Variants in RBBP6 observed in about 807,000 individuals in gnomAD.
RBBP6 encodes E3 ubiquitin-protein ligase RBBP6.
Under a neutral mutation model 167.7 loss-of-function variants are expected in RBBP6, and 25 were observed. The ratio of observed to expected loss-of-function variants is 0.15; its 90% CI spans 0.11 to 0.21. The LOEUF is 0.21. Ranked by LOEUF, RBBP6 falls within the 10% of genes least tolerant of loss-of-function variation. RBBP6 has a pLI of 1.00. For synonymous variants in RBBP6, 789 were observed against 735.8 expected (o/e 1.07, Z -1.17); for missense variants, 1,868 against 2,134.2 (o/e 0.88, Z 2.46).
intron 3 of RBBP6, chr16:24,549,259 G>T: frequency 7.9e-7 from 1 of 1,260,096 alleles, no homozygotes; most frequent in Non-Finnish European, 1.0e-6. Context: ...GTTAATGTAT[G>T]ATCCTTTTTA....
chr16:24,547,497 CTG>C (rs1179370994), intron 2 of RBBP6, among the ~76,000 whole-genome samples: 3 of 152,148 alleles, frequency 2.0e-5, no homozygotes, highest in African/African-American at 7.2e-5. Context: ...GAGTCTCACT[CTG>C]TTGCCCAGCC....
At chr16:24,558,832 T>G (rs1308089203) in intron 7 of RBBP6, among the ~76,000 whole-genome samples, 1 of 152,364 alleles carries the variant, frequency 6.6e-6, no homozygotes, top group South Asian at 2.1e-4. Flanking sequence ...TTTTGATCAT[T>G]TAAGTCACTA....
At chr16:24,544,074 C>G (rs926571730) in intron 1 of RBBP6, among the ~76,000 whole-genome samples, 6 of 152,150 alleles carry the variant, frequency 3.9e-5, no homozygotes, top group Admixed American at 6.5e-5. Context: ...GTTAGAACAT[C>G]TGTTTTGAAG....
chr16:24,555,624 C>G lies in RBBP6; in HGVS notation c.358C>G (p.Leu120Val). Reference sequence around the variant, plus strand: ...ATTACCTGTTAAACAGACTGCCAATCTGGCTGAAGCCAATGCTTCTGAAGA... The same window carrying G: ...ATTACCTGTTAAACAGACTGCCAATGTGGCTGAAGCCAATGCTTCTGAAGA... ...SLAQLTKTANLAEANASEEDK... is the reference protein window; with the variant it reads ...SLAQLTKTANVAEANASEEDK... Residue 120 changes from leucine to valine, a missense_variant, in exon 5 of 18, where the codon CTG (leucine) becomes GTG (valine). Leu to Val is a conservative substitution (Grantham distance 32). This residue lies in a region of RBBP6 where 184 missense variants were observed against 327.7 expected (regional missense o/e 0.56). Transcript: ENST00000319715. 6.2e-7 allele frequency: 1 copy of G among 1,609,358 alleles called. No individual in the cohort carries two copies. The highest frequency in any genetic ancestry group is 8.5e-7 in the Non-Finnish European group (1 of 1,178,822).
At position 24,544,878 on chromosome 16, in the gene RBBP6, CTCTT is replaced by C. The variant is rs374374577; in HGVS notation, c.167-1280_167-1277del. On this transcript the variant is annotated intron_variant, in intron 1 of 17. Transcript: ENST00000319715. Reference sequence around the variant, plus strand: ...CCCAGGGATTCCTCTGGCCTGATTCCTCTTTCTTCTTCATTTCCTTCATCTCCCC... The same window carrying C: ...CCCAGGGATTCCTCTGGCCTGATTCCTCTTCTTCATTTCCTTCATCTCCCC... Among the ~76,000 whole-genome samples the C allele has an allele frequency of 3.8e-4, 58 of 152,232 alleles. No homozygotes were observed. In the East Asian group the frequency reaches 0.01, roughly 27 times the overall value.
chr16:24,571,153 C>T lies in RBBP6; in HGVS notation c.4087C>T (p.Pro1363Ser), dbSNP rs759612010. The change falls in exon 18 of 18, where the codon CCT (proline) becomes TCT (serine). Residue 1363 changes from proline to serine, a missense_variant. Transcript: ENST00000319715. The part of the protein sequence containing the change: ...STKPSNIVKY[P>S]EKESEPSEKI... ...AAAGCCATCAAATATAGTCAAGTAT[C>T]CTGAGAAAGAAAGTGAGCCATCCGA... 4 of 1,613,612 alleles carry T rather than the reference C, an allele frequency of 2.5e-6. No individual in the cohort carries two copies. The South Asian group carries it at 4.4e-5, about 18-fold the overall frequency.
At chr16:24,550,778 G>C (rs929579831) in intron 3 of RBBP6, among the ~76,000 whole-genome samples, 13 of 150,290 alleles carry the variant, frequency 8.6e-5, no homozygotes, top group Non-Finnish European at 1.6e-4. Flanking sequence ...TAATTTTTAG[G>C]TAGAATTATC....
chr16:24,549,994 G>GT (rs1269856380), intron 3 of RBBP6, among the ~76,000 whole-genome samples: 3 of 151,932 alleles, frequency 2.0e-5, no homozygotes, highest in Non-Finnish European at 4.4e-5. Context: ...TGAAGCATCT[G>GT]TTTCATAACA....
intron 13 of RBBP6, among the ~76,000 whole-genome samples, chr16:24,564,511 A>G (rs538119364): frequency 4.6e-5 from 7 of 152,228 alleles, no homozygotes; most frequent in African/African-American, 1.4e-4. Flanking sequence ...TATAACAATA[A>G]GTTCACAGAG....
intron 8 of RBBP6, among the ~76,000 whole-genome samples, chr16:24,560,980 A>G (rs953008184): frequency 1.1e-4 from 17 of 152,148 alleles, no homozygotes; most frequent in African/African-American, 3.9e-4. Context: ...GTTTCAGATT[A>G]TATCTTAGAT....
chr16:24,567,986 A>T lies in RBBP6; in HGVS notation c.2054+93A>T. The T allele has an allele frequency of 8.5e-6, 9 of 1,053,342 alleles. 1 individual carries two copies. In the South Asian group the frequency reaches 1.1e-4, roughly 13 times the overall value. 65.2% of individuals were successfully genotyped at this position (1,053,342 alleles called of 1,614,324 possible). A position where few individuals can be genotyped will look rare whatever the true frequency, so the allele number is the denominator to read the frequency against. On this transcript the variant is annotated intron_variant, in intron 16 of 17. Transcript: ENST00000319715. ...GGATATAAAGAACATTGCACTTAGG[A>T]ATTTTTCTGATTCGGTCTAGGTGTA...
At chr16:24,563,954 T>C (rs1279643261) in intron 13 of RBBP6, among the ~76,000 whole-genome samples, 2 of 152,138 alleles carry the variant, frequency 1.3e-5, no homozygotes, top group Non-Finnish European at 2.9e-5. Flanking sequence ...TTCAGTTTAA[T>C]GAATAGATAA....
chr16:24,564,776 AT>A lies in RBBP6; in HGVS notation c.1521-12del, dbSNP rs769510629. ...TACCCATGGAGAAATACTTGAGCCT[AT>A]TTTTTTTTCTCCCACACAGTTCCAA... On this transcript the variant is annotated intron_variant, in intron 13 of 17. Coordinates refer to ENST00000319715, the MANE Select transcript of RBBP6 (RefSeq NM_006910.5). The A allele has an allele frequency of 4.4e-5, 70 of 1,575,368 alleles. No homozygotes were observed. Among genetic ancestry groups the A allele is most frequent in the South Asian group, 1.3e-4 (11 of 87,426 alleles).
At chr16:24,562,842 C>A (rs2141472690) in intron 10 of RBBP6, among the ~76,000 whole-genome samples, 1 of 152,244 alleles carries the variant, frequency 6.6e-6, no homozygotes, top group East Asian at 1.9e-4. Flanking sequence ...CTATGGCTGA[C>A]CCAAGATTAT....
At chr16:24,567,722 A>T (rs1899229318) in intron 15 of RBBP6, 70 bp from the exon 16 acceptor site, 88 of 1,379,986 alleles carry the variant, frequency 6.4e-5, no homozygotes, top group Non-Finnish European at 8.8e-5. Flanking sequence ...TCATGATCTA[A>T]TTACATTTGT....
rs1237701419 is a variant in RBBP6 at position 24,571,593 on chromosome 16, T to A, written c.4527T>A (p.Ser1509=). 3.1e-6 allele frequency: 5 copies of A among 1,611,202 alleles called. No individual in the cohort carries two copies. The highest frequency in any genetic ancestry group is 4.2e-6 in the Non-Finnish European group (5 of 1,179,382). ...CTTCTCGGAATAAAGATTCTGCATC[T>A]GGACAGAAAAATAAACCAAGGGAAG... The part of the protein sequence containing the change: ...DSPSRNKDSA[S]GQKNKPREER... Residue 1509 remains serine (S), a synonymous_variant, in exon 18 of 18, where the codon TCT becomes TCA. Coordinates refer to ENST00000319715, the MANE Select transcript of RBBP6 (RefSeq NM_006910.5).
intron 1 of RBBP6, 23 bp from the exon 2 acceptor site, chr16:24,546,140 C>T (rs756232460): frequency 1.3e-6 from 2 of 1,556,012 alleles, no homozygotes; most frequent in Non-Finnish European, 1.7e-6. Context: ...AATGGAAATT[C>T]AATTCTGTCT....
rs1898646710 is a variant in RBBP6, at chr16:24,546,232, G to T, written c.236G>T (p.Gly79Val). 3.1e-6 allele frequency: 5 copies of T among 1,590,496 alleles called. No homozygotes were observed. Among genetic ancestry groups the T allele is most frequent in the Non-Finnish European group, 4.3e-6 (5 of 1,172,980 alleles). ...ATTGTTAGAAGAATTCCTATTGGAG[G>T]TGTTAAATCTACAAGCAAGACATAT... ...SVIVRRIPIG[G>V]VKSTSKTYVI... is the part of the protein sequence containing the mutation. The change falls in exon 2 of 18, where the codon GGT becomes GTT. Residue 79 changes from glycine (G) to valine (V), a missense_variant. Physicochemically the swap from Gly to Val is moderately radical, Grantham distance 109. This residue lies in a region of RBBP6 where 184 missense variants were observed against 327.7 expected (regional missense o/e 0.56). Transcript: ENST00000319715.
At chr16:24,541,703 G>T (rs1475319237) in intron 1 of RBBP6, among the ~76,000 whole-genome samples, 4 of 152,164 alleles carry the variant, frequency 2.6e-5, no homozygotes, top group Non-Finnish European at 5.9e-5. Context: ...AGTCTTTCCT[G>T]ACTCTGAACT....
Sources: gnomAD v4.1 joint callset for allele counts (sites outside exome capture counted in the v4.1 genomes callset) on GRCh38, gnomAD v4.1.1 for gene constraint, gnomAD v4.1.1 regional missense constraint, MANE v1.5 for transcripts, NCBI Gene and HGNC (gene_info 2026-07-23, HGNC 2026-07-21) for gene names.